Variants in ANK3 observed in about 807,000 individuals in gnomAD.
ANK3 encodes ankyrin 3, also known as ankyrin-3.
Under a neutral mutation model 370.9 loss-of-function variants are expected in ANK3, and 57 were observed. The ratio of observed to expected loss-of-function variants is 0.15; its 90% confidence interval spans 0.12 to 0.19. ANK3 has a LOEUF of 0.19. Among genes scored for constraint, ANK3 ranks in the 10% least tolerant of loss-of-function variants. ANK3 has a pLI of 1.00. For synonymous variants in ANK3, 1,929 were observed against 1,946.3 expected (o/e 0.99, Z 0.23); for missense variants, 4,439 against 5,302.1 (o/e 0.84, Z 5.06).
chr10:60,289,319 T>C (rs2040796910), intron 1 of ANK3, among the ~76,000 whole-genome samples: 1 of 150,856 alleles, frequency 6.6e-6, no homozygotes, highest in Non-Finnish European at 1.5e-5. Flanking sequence ...CCAGGCTGTA[T>C]TCAAGCTCCT....
chr10:60,086,673 A>G lies in ANK3; in HGVS notation c.3748+4T>C. ...TAGGAAGTACAGCAGTGACTTAACCAAACCTGTAATGCTACAGAGAAGACG... is the reference window on the plus strand; with the variant it reads ...TAGGAAGTACAGCAGTGACTTAACCGAACCTGTAATGCTACAGAGAAGACG... On this transcript the variant is annotated splice_donor_region_variant and intron_variant, in intron 30 of 43. Transcript: ENST00000280772. The G allele has an allele frequency of 6.2e-7, 1 of 1,611,590 alleles. No homozygotes were observed. The highest frequency in any genetic ancestry group is 8.5e-7 in the Non-Finnish European group (1 of 1,178,512).
intron 8 of ANK3, among the ~76,000 whole-genome samples, chr10:60,225,623 T>C (rs1008489269): frequency 9.2e-5 from 14 of 152,166 alleles, no homozygotes; most frequent in Non-Finnish European, 1.9e-4. Flanking sequence ...CTTTTATATA[T>C]AGGAGGGAAA....
At chr10:60,522,699 C>A (rs916464579) in intron 2 of ANK3, among the ~76,000 whole-genome samples, 1 of 152,012 alleles carries the variant, frequency 6.6e-6, no homozygotes, top group Non-Finnish European at 1.5e-5. Flanking sequence ...TAGTAATATC[C>A]ATTTTATAAT....
At position 60,090,151 on chromosome 10, in the gene ANK3, T is replaced by C. The variant is rs550036895; in HGVS notation, c.3329-1793A>G. Among the ~76,000 whole-genome samples, 8 of 152,218 alleles carry C rather than the reference T, an allele frequency of 5.3e-5. No homozygotes were observed. In the East Asian group the frequency reaches 1.2e-3, roughly 22 times the overall value. ...GGCCAACATGGTGAAATCCCATCTC[T>C]ACTAAAAAGTACAAAATTTAGCTGG... On this transcript the variant is annotated intron_variant, in intron 28 of 43. Coordinates refer to ENST00000280772, the MANE Select transcript of ANK3 (RefSeq NM_020987.5).
At chr10:60,421,012 C>T (rs998406329) in intron 2 of ANK3, among the ~76,000 whole-genome samples, 1 of 151,974 alleles carries the variant, frequency 6.6e-6, no homozygotes, top group Non-Finnish European at 1.5e-5. Flanking sequence ...GAATACTATT[C>T]CACCTTAAAA....
At chr10:60,076,498 G>C (rs1315067370) in intron 36 of ANK3, 50 bp from the exon 37 acceptor site, 2 of 1,521,602 alleles carry the variant, frequency 1.3e-6, no homozygotes, top group African/African-American at 1.4e-5. Context: ...CAACAAAAAT[G>C]GTTGAGAAAC....
At chr10:60,170,664 G>A (rs1172484551) in intron 21 of ANK3, among the ~76,000 whole-genome samples, 1 of 152,188 alleles carries the variant, frequency 6.6e-6, no homozygotes, top group Non-Finnish European at 1.5e-5. Context: ...AACAAGGACA[G>A]CTGATGATGT....
rs770283071 is a variant in ANK3 at position 60,186,599 on chromosome 10, C to T, written c.2085+116G>A. The T allele has an allele frequency of 1.4e-5, 16 of 1,120,858 alleles. No homozygotes were observed. The Admixed American group carries it at 3.0e-4, about 21-fold the overall frequency. The allele number at this position is 1,120,858 out of a possible 1,614,324, so 69.4% of individuals were successfully genotyped here. A position where few individuals can be genotyped will look rare whatever the true frequency, so the allele number is the denominator to read the frequency against. ...TAACACTTTGGTAAACAACTTGGTG[C>T]AATATTACACTTTACACATCCTATT... On this transcript the variant is annotated intron_variant, in intron 17 of 43. Coordinates refer to ENST00000280772, the MANE Select transcript of ANK3 (RefSeq NM_020987.5).
At chr10:60,389,923 G>A (rs2062953629), upstream of ANK3, 2 of 910,922 alleles carry the variant, frequency 2.2e-6, no homozygotes, top group Non-Finnish European at 2.6e-6. Flanking sequence ...CTCCAAAGGG[G>A]AAGAATCAAG....
At chr10:60,416,304 A>T (rs2063667411) in intron 2 of ANK3, among the ~76,000 whole-genome samples, 1 of 152,214 alleles carries the variant, frequency 6.6e-6, no homozygotes. Context: ...ATGAACAACT[A>T]TTGTTACATG....
intron 2 of ANK3, among the ~76,000 whole-genome samples, chr10:60,431,439 G>C (rs931994275): frequency 1.3e-5 from 2 of 152,150 alleles, no homozygotes; most frequent in Non-Finnish European, 2.9e-5. Context: ...ATGAAGTTTT[G>C]CTCTCTGGAC....
intron 1 of ANK3, among the ~76,000 whole-genome samples, chr10:60,365,685 A>C (rs940996673): frequency 6.6e-6 from 1 of 152,214 alleles, no homozygotes; most frequent in Non-Finnish European, 1.5e-5. Context: ...TGACCATTTC[A>C]GGAAATTTTT....
intron 7 of ANK3, among the ~76,000 whole-genome samples, chr10:60,245,668 A>T (rs1362149307): frequency 6.6e-6 from 1 of 152,212 alleles, no homozygotes; most frequent in East Asian, 1.9e-4. Flanking sequence ...TGTAGTACTT[A>T]TCAGTACTTT....
At chr10:60,261,762 C>G in intron 7 of ANK3, 97 bp downstream of exon 7, 1 of 1,046,666 alleles carries the variant, frequency 9.6e-7, no homozygotes, top group East Asian at 2.4e-5. Flanking sequence ...TGGAAGGACT[C>G]TTGGAGAAAA....
At chr10:60,325,721 G>A (rs2049687044) in intron 1 of ANK3, among the ~76,000 whole-genome samples, 1 of 152,142 alleles carries the variant, frequency 6.6e-6, no homozygotes, top group African/African-American at 2.4e-5. Context: ...AGACAGTGTG[G>A]CAATTCCTCA....
intron 2 of ANK3, among the ~76,000 whole-genome samples, chr10:60,469,282 T>TGTATATATATATACATATACCACTTTTA: frequency 5.6e-4 from 2 of 3,590 alleles, no homozygotes; most frequent in African/African-American, 1.5e-3. Context: ...CCATTTTTAG[T>TGTATATATATATACATATACCACTTTTA]GTGTGTATAT....
intron 25 of ANK3, among the ~76,000 whole-genome samples, chr10:60,117,626 G>A (rs2093188300): frequency 6.6e-6 from 1 of 152,140 alleles, no homozygotes; most frequent in East Asian, 1.9e-4. Flanking sequence ...AGACCAGCCT[G>A]GCCAACATGG....
intron 2 of ANK3, among the ~76,000 whole-genome samples, chr10:60,482,725 G>A (rs535574703): frequency 1.3e-4 from 20 of 152,120 alleles, no homozygotes; most frequent in Middle Eastern, 3.4e-3. Flanking sequence ...AGGCTCAAGC[G>A]GTCCACCTGT....
rs972022808 is a variant in ANK3, at chr10:60,330,577, C to T, written c.115-50938G>A. On this transcript the variant is annotated intron_variant, in intron 1 of 43. Coordinates refer to ENST00000280772, the MANE Select transcript of ANK3 (RefSeq NM_020987.5). ...AAATCAAAACCACAATGAGCTCTCA[C>T]GCCAGTTAGAATGGCGATCATTAAA... Among the ~76,000 whole-genome samples the T allele has an allele frequency of 1.8e-4, 27 of 152,002 alleles. 1 individual carries two copies. Among genetic ancestry groups the T allele is most frequent in the Non-Finnish European group, 2.1e-4 (14 of 67,968 alleles).
Sources: gnomAD v4.1 joint callset for allele counts (sites outside exome capture counted in the v4.1 genomes callset) on GRCh38, gnomAD v4.1.1 for gene constraint, MANE v1.5 for transcripts, NCBI Gene and HGNC (gene_info 2026-07-23, HGNC 2026-07-21) for gene names.